The following LONP2 variants were observed in gnomAD, a reference collection of about 807,000 sequenced individuals.
LONP2 encodes the protein lon peptidase 2, peroxisomal.
A neutral mutation model predicts 85.6 loss-of-function variants in LONP2; 60 were observed. That is an observed-to-expected ratio of 0.70 (90% CI 0.57 to 0.87). The LOEUF (loss-of-function observed/expected upper bound fraction) is 0.87, where lower values mean the gene tolerates loss of function less well. Among genes scored for constraint, LONP2 ranks in the 40% least tolerant of loss-of-function variants. The pLI is 0.00. For synonymous variants in LONP2, 395 were observed against 389.7 expected, an observed-to-expected ratio of 1.01 and a Z score of -0.16; for missense variants, 860 against 1,063.5, an observed-to-expected ratio of 0.81 and a Z score of 2.66.
At chr16:48,302,938 G>A (rs1312351666) in intron 10 of LONP2, among the ~76,000 whole-genome samples, 2 of 152,174 alleles carry the variant, frequency 1.3e-5, no homozygotes, top group African/African-American at 4.8e-5. Flanking sequence ...ATTTTTAAGT[G>A]TAGGATTATA....
rs74017927 is a variant in LONP2 at position 48,346,276 on chromosome 16, G to C, written c.1939-1231G>C. Reference sequence around the variant, plus strand: ...TGGATTAGTGCTTAGTTGACCTATTGTGTTCAGTTCCTCTAACATGAGTAA... The same window carrying C: ...TGGATTAGTGCTTAGTTGACCTATTCTGTTCAGTTCCTCTAACATGAGTAA... On this transcript the variant is annotated intron_variant, in intron 12 of 14. Coordinates refer to ENST00000285737, the MANE Select transcript of LONP2 (RefSeq NM_031490.5). Among the ~76,000 whole-genome samples the C allele has an allele frequency of 5.5e-3, 836 of 152,284 alleles. 6 individuals carry two copies. Among genetic ancestry groups the C allele is most frequent in the African/African-American group, 0.019 (786 of 41,548 alleles).
Position 48,258,701 on chromosome 16 carries a change from T to G in LONP2, c.684T>G (p.Leu228=). The G allele has an allele frequency of 6.2e-7, 1 of 1,612,126 alleles. No homozygotes were observed. The highest frequency in any genetic ancestry group is 8.5e-7 in the Non-Finnish European group (1 of 1,179,240). ...GACAAATTGAAGGCCTGAAATTGCT[T>G]CAAAAAACCAGAAAACCCAAGCAAG... is the stretch of plus-strand genomic sequence containing the variant. ...LVRQIEGLKL[L]QKTRKPKQDD... The change falls in exon 4 of 15, where the codon CTT becomes CTG. Residue 228 remains leucine, a synonymous_variant. Coordinates refer to ENST00000285737, the MANE Select transcript of LONP2 (RefSeq NM_031490.5).
chr16:48,245,468 A>G (rs1048083149), intron 1 of LONP2, among the ~76,000 whole-genome samples: 1 of 152,222 alleles, frequency 6.6e-6, no homozygotes. Flanking sequence ...ACTTTGCACC[A>G]TGCATGATGG....
Position 48,334,337 on chromosome 16 carries a change from G to A in LONP2, c.1917G>A (p.Gly639=), listed in dbSNP as rs772738479. Reference sequence around the variant, plus strand: ...TCCATGCTCTGAAAGACATCCTTGGGCCCCCGATGTATGAAATGGAGGTGA... The same window carrying A: ...TCCATGCTCTGAAAGACATCCTTGGACCCCCGATGTATGAAATGGAGGTGA... The part of the protein sequence containing the change: ...IDFHALKDIL[G]PPMYEMEVSQ... The change falls in exon 12 of 15, where the codon GGG becomes GGA. Residue 639 remains glycine, a synonymous_variant. Transcript: ENST00000285737. 6 of 1,614,146 alleles carry A rather than the reference G, an allele frequency of 3.7e-6. No homozygotes were observed. In the South Asian group the frequency reaches 6.6e-5, roughly 18 times the overall value.
At chr16:48,269,439 C>T (rs1203995506) in intron 6 of LONP2, among the ~76,000 whole-genome samples, 1 of 152,006 alleles carries the variant, frequency 6.6e-6, no homozygotes, top group East Asian at 1.9e-4. Flanking sequence ...ATATGTGTGA[C>T]AGTGAAAGTT....
chr16:48,249,869 C>T (rs1193827352), intron 1 of LONP2, among the ~76,000 whole-genome samples: 1 of 152,032 alleles, frequency 6.6e-6, no homozygotes, highest in Admixed American at 6.6e-5. Flanking sequence ...CTTCCTTTCA[C>T]AGCAAAAATA....
At chr16:48,284,690 G>A (rs1047109749) in intron 8 of LONP2, among the ~76,000 whole-genome samples, 1 of 151,816 alleles carries the variant, frequency 6.6e-6, no homozygotes, top group Admixed American at 6.6e-5. Context: ...ATATGCACTG[G>A]GAAACAAAAA....
downstream of LONP2, chr16:48,361,178 C>T (rs1960572486): frequency 1.0e-5 from 2 of 195,540 alleles, no homozygotes; most frequent in Non-Finnish European, 2.2e-5. Context: ...CCCATGACCA[C>T]TCAAGATGGC....
intron 12 of LONP2, chr16:48,343,980 C>A (rs1462886408): frequency 6.6e-6 from 1 of 152,150 alleles, no homozygotes; most frequent in Non-Finnish European, 1.5e-5. Context: ...CCTATCTTGG[C>A]TAATGTAACC....
intron 8 of LONP2, among the ~76,000 whole-genome samples, chr16:48,288,727 C>G (rs1474172393): frequency 6.6e-6 from 1 of 152,076 alleles, no homozygotes; most frequent in African/African-American, 2.4e-5. Flanking sequence ...TAGGGGCCCA[C>G]TCTTACCTTC....
chr16:48,288,521 C>A (rs1972496580), intron 8 of LONP2, among the ~76,000 whole-genome samples: 1 of 152,112 alleles, frequency 6.6e-6, no homozygotes, highest in African/African-American at 2.4e-5. Context: ...GCTTTGAAGA[C>A]CAAACAGAAA....
intron 11 of LONP2, among the ~76,000 whole-genome samples, chr16:48,330,832 A>G (rs543495102): frequency 6.6e-6 from 1 of 152,334 alleles, no homozygotes; most frequent in South Asian, 2.1e-4. Flanking sequence ...TTAATAACAC[A>G]GCTGCTGTCC....
rs564951894 is a variant in LONP2, at chr16:48,307,188, A to T, written c.1795+3883A>T. ...AGAATTGATCGATCTGTGTTAGCGG[A>T]GGAACATTTATGGTTTCAGTCACTT... On this transcript the variant is annotated intron_variant, in intron 11 of 14. Transcript: ENST00000285737. Among the ~76,000 whole-genome samples the T allele has an allele frequency of 2.0e-5, 3 of 152,348 alleles. No homozygotes were observed. In the South Asian group the frequency reaches 6.2e-4, roughly 32 times the overall value.
chr16:48,334,477 G>A (rs943578488), intron 12 of LONP2, 119 bp downstream of exon 12: 96 of 1,279,896 alleles, frequency 7.5e-5, no homozygotes, highest in South Asian at 1.9e-4. Context: ...AGCCTTATTC[G>A]ACCTTCTTTT....
intron 6 of LONP2, among the ~76,000 whole-genome samples, chr16:48,265,296 C>T (rs1189779330): frequency 1.3e-5 from 2 of 152,132 alleles, no homozygotes; most frequent in African/African-American, 4.8e-5. Context: ...ATGCCCAGAC[C>T]AATGTCAAGG....
At chr16:48,246,556 G>A (rs1971397575) in intron 1 of LONP2, among the ~76,000 whole-genome samples, 1 of 152,118 alleles carries the variant, frequency 6.6e-6, no homozygotes, top group Admixed American at 6.5e-5. Context: ...GATTTTGGAA[G>A]GTTTTTATTA....
intron 8 of LONP2, 105 bp downstream of exon 8, chr16:48,277,584 G>T: frequency 8.8e-7 from 1 of 1,136,308 alleles, no homozygotes; most frequent in Non-Finnish European, 1.2e-6. Flanking sequence ...TTTAGTTATG[G>T]GAAAAACAGT....
At chr16:48,293,998 G>C (rs192231217) in intron 8 of LONP2, among the ~76,000 whole-genome samples, 1 of 152,190 alleles carries the variant, frequency 6.6e-6, no homozygotes, top group African/African-American at 2.4e-5. Context: ...GTGCAGTGGC[G>C]TGATCTCAGC....
At chr16:48,273,801 A>G (rs1351502764) in intron 7 of LONP2, among the ~76,000 whole-genome samples, 4 of 152,156 alleles carry the variant, frequency 2.6e-5, no homozygotes, top group Non-Finnish European at 5.9e-5. Context: ...GATATATCTT[A>G]AATCACTGTG....
Sources: gnomAD v4.1 joint callset for allele counts (sites outside exome capture counted in the v4.1 genomes callset) on GRCh38, gnomAD v4.1.1 for gene constraint, MANE v1.5 for transcripts, NCBI Gene and HGNC (gene_info 2026-07-23, HGNC 2026-07-21) for gene names.